The following MOB1A variants were observed in gnomAD, a reference collection of about 807,000 sequenced individuals.
MOB1A encodes MOB kinase activator 1A.
In MOB1A, 10 loss-of-function variants were observed where a neutral mutation model predicts 25.1. The observed-to-expected ratio is 0.40, with a 90% CI of 0.25 to 0.68. The LOEUF is 0.68. Among genes scored for constraint, MOB1A ranks in the 30% least tolerant of loss-of-function variants. The probability of loss-of-function intolerance (pLI) is 0.40; values close to 1 mark genes in which losing one functional copy is unlikely to be tolerated. For synonymous variants in MOB1A, 81 were observed against 79.5 expected (o/e 1.02, Z -0.10); for missense variants, 177 against 256.3 (o/e 0.69, Z 2.11).
intron 1 of MOB1A, chr2:74,178,372 C>G (rs1489195233): frequency 1.0e-5 from 3 of 286,928 alleles, no homozygotes; most frequent in African/African-American, 6.6e-5. Flanking sequence ...GCCCCCAGAT[C>G]GTCTCCCCGC....
intron 4 of MOB1A, 92 bp downstream of exon 4, chr2:74,165,126 C>T (rs1265770320): frequency 9.7e-7 from 1 of 1,034,042 alleles, no homozygotes; most frequent in Non-Finnish European, 1.3e-6. Context: ...TTGAGACCAA[C>T]CTGGACAACA....
At chr2:74,171,163 C>T (rs372417418) in intron 2 of MOB1A, among the ~76,000 whole-genome samples, 2 of 151,692 alleles carry the variant, frequency 1.3e-5, no homozygotes, top group East Asian at 3.9e-4. Flanking sequence ...ACCTGTAATC[C>T]CTCAGCTACT....
chr2:74,171,878 G>A (rs534714877), intron 2 of MOB1A, among the ~76,000 whole-genome samples: 34 of 152,034 alleles, frequency 2.2e-4, no homozygotes, highest in South Asian at 8.3e-4. Context: ...ACTCCAGTCT[G>A]GGCAACAGAG....
chr2:74,177,679 AC>A (rs1693513134), intron 1 of MOB1A, among the ~76,000 whole-genome samples: 1 of 151,920 alleles, frequency 6.6e-6, no homozygotes. Flanking sequence ...TAAAAAAAAA[AC>A]TATATAGTGT....
intron 2 of MOB1A, among the ~76,000 whole-genome samples, chr2:74,168,093 G>A (rs1461132681): frequency 1.3e-5 from 2 of 151,950 alleles, no homozygotes; most frequent in Non-Finnish European, 2.9e-5. Flanking sequence ...GAGCTGTGAT[G>A]GTGCTACTGC....
intron 2 of MOB1A, among the ~76,000 whole-genome samples, chr2:74,171,497 T>C (rs552993191): frequency 9.9e-5 from 15 of 152,232 alleles, no homozygotes; most frequent in Admixed American, 8.5e-4. Flanking sequence ...CAGGGTGACA[T>C]ATAGAAGAAG....
In MOB1A at chr2:74,153,399, C is replaced by T. The variant is rs1188696216; in HGVS notation, c.*3169G>A. ...ACTTAGTACTACCACCAAGATTGTT[C>T]CTCTTGCCTTGGCACTACTAAAAAA... On this transcript the variant is annotated 3_prime_UTR_variant, in exon 6 of 6. Transcript: ENST00000396049. 6.6e-6 allele frequency: 1 copy of T among 152,146 alleles called. No individual in the cohort carries two copies. Among genetic ancestry groups the T allele is most frequent in the African/African-American group, 2.4e-5 (1 of 41,442 alleles). The allele number at this position is 152,146 out of a possible 1,614,324, so 9.4% of individuals were successfully genotyped here. A position where few individuals can be genotyped will look rare whatever the true frequency, so the allele number is the denominator to read the frequency against.
At chr2:74,166,023 T>C (rs1693120438) in intron 3 of MOB1A, among the ~76,000 whole-genome samples, 1 of 152,062 alleles carries the variant, frequency 6.6e-6, no homozygotes, top group Non-Finnish European at 1.5e-5. Flanking sequence ...TTTACACTTG[T>C]AGCAAAGTCA....
At chr2:74,175,506 A>G (rs1693426858) in intron 1 of MOB1A, among the ~76,000 whole-genome samples, 1 of 152,206 alleles carries the variant, frequency 6.6e-6, no homozygotes, top group Middle Eastern at 3.2e-3. Context: ...GTGAAAGTAT[A>G]AAGTGTAACA....
At position 74,155,192 on chromosome 2, in the gene MOB1A, G is replaced by A. The variant is rs560256954; in HGVS notation, c.*1376C>T. On this transcript the variant is annotated 3_prime_UTR_variant, in exon 6 of 6. Coordinates refer to ENST00000396049, the MANE Select transcript of MOB1A (RefSeq NM_018221.5). Reference sequence around the variant, plus strand: ...CCAGTATAATACTTGTTGTGCCTCAGTACATTTTAAATAGACAGCTAGAGT... The same window carrying A: ...CCAGTATAATACTTGTTGTGCCTCAATACATTTTAAATAGACAGCTAGAGT... The A allele has an allele frequency of 3.9e-5, 6 of 152,620 alleles. 2 individuals are homozygous for A. The highest frequency in any genetic ancestry group is 1.4e-4 in the African/African-American group (6 of 41,572). 9.5% of individuals were successfully genotyped at this position (152,620 alleles called of 1,614,324 possible).
chr2:74,178,618 C>T (rs1354278277), intron 1 of MOB1A, 43 bp downstream of exon 1: 3 of 1,371,180 alleles, frequency 2.2e-6, no homozygotes, highest in Non-Finnish European at 2.9e-6. Flanking sequence ...TCCCCCACAA[C>T]CTCGGCCCGC....
intron 4 of MOB1A, among the ~76,000 whole-genome samples, chr2:74,161,189 T>C (rs998297081): frequency 2.0e-5 from 3 of 152,236 alleles, no homozygotes; most frequent in African/African-American, 7.2e-5. Flanking sequence ...TTCCTTGCAT[T>C]TTTTTCCCAG....
chr2:74,158,447 A>C (rs1351016468), intron 5 of MOB1A, among the ~76,000 whole-genome samples: 1 of 152,204 alleles, frequency 6.6e-6, no homozygotes, highest in Non-Finnish European at 1.5e-5. Flanking sequence ...AAGGCATACC[A>C]ATTCTTTGAT....
intron 5 of MOB1A, among the ~76,000 whole-genome samples, chr2:74,158,241 A>C (rs971066335): frequency 6.6e-6 from 1 of 151,666 alleles, no homozygotes; most frequent in Non-Finnish European, 1.5e-5. Context: ...TACAAACTGA[A>C]TTTTTGATAA....
intron 4 of MOB1A, chr2:74,164,400 T>C (rs1359621995): frequency 2.0e-5 from 3 of 152,192 alleles, no homozygotes. Context: ...GTGCCTGTAG[T>C]CCCAGCTACC....
chr2:74,157,519 T>C (rs574357154), intron 5 of MOB1A, among the ~76,000 whole-genome samples: 21 of 152,274 alleles, frequency 1.4e-4, no homozygotes, highest in African/African-American at 4.3e-4. Context: ...GTCAGAGGTA[T>C]AGGTGACAAT....
intron 4 of MOB1A, among the ~76,000 whole-genome samples, chr2:74,162,865 A>G (rs1693014264): frequency 6.6e-6 from 1 of 152,224 alleles, no homozygotes; most frequent in South Asian, 2.1e-4. Flanking sequence ...TAATCAAAAT[A>G]TTAACAAATA....
chr2:74,168,098 T>C (rs1193548559), intron 2 of MOB1A, among the ~76,000 whole-genome samples: 1 of 151,964 alleles, frequency 6.6e-6, no homozygotes, highest in Non-Finnish European at 1.5e-5. Flanking sequence ...GTGATGGTGC[T>C]ACTGCACTCC....
intron 2 of MOB1A, among the ~76,000 whole-genome samples, chr2:74,171,437 CTGAAA>C (rs1553445674): frequency 6.6e-6 from 1 of 152,102 alleles, no homozygotes; most frequent in Non-Finnish European, 1.5e-5. Context: ...ACATACCTTA[CTGAAA>C]TATTTATAGA....
Sources: gnomAD v4.1 joint callset for allele counts (sites outside exome capture counted in the v4.1 genomes callset) on GRCh38, gnomAD v4.1.1 for gene constraint, MANE v1.5 for transcripts, NCBI Gene and HGNC (gene_info 2026-07-23, HGNC 2026-07-21) for gene names.